CHL1: variants seen among roughly 807,000 people sequenced by gnomAD.
The protein encoded by CHL1 is neural cell adhesion molecule L1-like protein.
In CHL1, 96 loss-of-function variants were observed where a neutral mutation model predicts 141.9. The ratio of observed to expected loss-of-function variants is 0.68; its 90% CI spans 0.57 to 0.80. The LOEUF (loss-of-function observed/expected upper bound fraction) is 0.80. Among genes scored for constraint, CHL1 ranks in the 30% least tolerant of loss-of-function variants. CHL1 has a pLI of 0.00. For missense variants in CHL1, 1,820 were observed against 1,457.2 expected (o/e 1.25, Z -4.05); for synonymous variants, 613 against 502.2 (o/e 1.22, Z -2.95).
chr3:282,676 T>C (rs953645474), intron 2 of CHL1: 4 of 152,246 alleles, frequency 2.6e-5, no homozygotes, highest in African/African-American at 9.6e-5. Flanking sequence ...ACATTGAATA[T>C]GTCATCCCAC....
chr3:358,087 C>T (rs1313171807), intron 11 of CHL1, among the ~76,000 whole-genome samples: 1 of 152,110 alleles, frequency 6.6e-6, no homozygotes, highest in Non-Finnish European at 1.5e-5. Flanking sequence ...ATTAAATTAC[C>T]ATAAACTTAG....
intron 1 of CHL1, among the ~76,000 whole-genome samples, chr3:243,272 A>G (rs915040034): frequency 6.6e-6 from 1 of 152,208 alleles, no homozygotes; most frequent in Non-Finnish European, 1.5e-5. Flanking sequence ...ACACAGCAAC[A>G]TGGGAGCCAG....
chr3:371,626 G>C (rs189086464), intron 15 of CHL1, among the ~76,000 whole-genome samples: 14 of 152,292 alleles, frequency 9.2e-5, no homozygotes, highest in Non-Finnish European at 1.5e-4. Flanking sequence ...GTATTGTTAT[G>C]TGTGAATTTG....
chr3:360,731 CCCG>C (rs1704158778), intron 12 of CHL1, among the ~76,000 whole-genome samples: 9 of 77,558 alleles, frequency 1.2e-4, no homozygotes, highest in Admixed American at 1.6e-4. Context: ...CCGATGCTAT[CCCG>C]CCCCCCCTCC....
chr3:265,643 T>A (rs941315005), intron 2 of CHL1, among the ~76,000 whole-genome samples: 2 of 152,208 alleles, frequency 1.3e-5, no homozygotes, highest in Non-Finnish European at 2.9e-5. Flanking sequence ...TATTCAATGA[T>A]CTGTGATCCT....
intron 2 of CHL1, among the ~76,000 whole-genome samples, chr3:270,164 T>C (rs1695511541): frequency 2.0e-5 from 3 of 152,154 alleles, no homozygotes. Context: ...AACTGAGTTT[T>C]AGTGACAGAA....
intron 3 of CHL1, among the ~76,000 whole-genome samples, chr3:320,918 G>C (rs1484663731): frequency 6.6e-6 from 1 of 151,848 alleles, no homozygotes; most frequent in African/African-American, 2.4e-5. Context: ...TAGAGGTGTT[G>C]GTTGTTTATT....
chr3:294,750 T>C (rs1698028647), intron 2 of CHL1, among the ~76,000 whole-genome samples: 1 of 152,174 alleles, frequency 6.6e-6, no homozygotes, highest in Non-Finnish European at 1.5e-5. Flanking sequence ...ATTCATCACA[T>C]CCCAGGGTAG....
At chr3:237,419 TTC>T (rs1692103627) in intron 1 of CHL1, among the ~76,000 whole-genome samples, 1 of 152,250 alleles carries the variant, frequency 6.6e-6, no homozygotes, top group African/African-American at 2.4e-5. Context: ...TCTCAGGAAG[TTC>T]TTTGTAGCAC....
rs4002871 is a variant in CHL1 at position 253,971 on chromosome 3, T to C, written c.-95+9279T>C. The stretch of plus-strand genomic sequence containing the variant: ...GATATTATATACATTTTGAACTTGA[T>C]GATATTATCTCCATTTTACGAATGC... On this transcript the variant is annotated intron_variant, in intron 2 of 27. Transcript: ENST00000256509. Among the ~76,000 whole-genome samples, 21 of 152,106 alleles carry C rather than the reference T, an allele frequency of 1.4e-4. No individual in the cohort carries two copies. The South Asian group carries it at 3.7e-3, about 27-fold the overall frequency.
intron 11 of CHL1, among the ~76,000 whole-genome samples, chr3:356,940 C>A (rs980530704): frequency 7.2e-5 from 11 of 152,288 alleles, no homozygotes; most frequent in African/African-American, 2.6e-4. Context: ...AGGTATTTTC[C>A]TGGCCTTTGA....
At chr3:386,276 C>T (rs1707705929) in intron 19 of CHL1, among the ~76,000 whole-genome samples, 1 of 149,952 alleles carries the variant, frequency 6.7e-6, no homozygotes, top group Admixed American at 6.7e-5. Context: ...TAGGAACAGA[C>T]TGGACATCCC....
chr3:358,836 T>C (rs1010584928), intron 11 of CHL1, among the ~76,000 whole-genome samples: 4 of 151,830 alleles, frequency 2.6e-5, no homozygotes, highest in African/African-American at 9.7e-5. Context: ...GGAGAGACAA[T>C]CAGAAAAGTA....
In CHL1 at chr3:406,946, T is replaced by C. The variant is rs999904035; in HGVS notation, c.*1235T>C. 3 of 152,184 alleles carry C rather than the reference T, an allele frequency of 2.0e-5. No individual in the cohort carries two copies. Among genetic ancestry groups the C allele is most frequent in the African/African-American group, 7.2e-5 (3 of 41,444 alleles). 9.4% of individuals were successfully genotyped at this position (152,184 alleles called of 1,614,324 possible). ...AAAGAAAAACTGTTTACATAGAAAT[T>C]CCTACACATACGTTTGCGTATATGT... On this transcript the variant is annotated 3_prime_UTR_variant, in exon 28 of 28. Coordinates refer to ENST00000256509, the MANE Select transcript of CHL1 (RefSeq NM_006614.4).
chr3:251,771 C>T (rs919639596), intron 2 of CHL1, among the ~76,000 whole-genome samples: 2 of 152,052 alleles, frequency 1.3e-5, no homozygotes, highest in African/African-American at 2.4e-5. Context: ...ACTTATATTT[C>T]TTTAATCCAC....
Position 382,633 on chromosome 3 carries a change from C to T in CHL1, c.2138C>T (p.Pro713Leu). The T allele has an allele frequency of 6.2e-7, 1 of 1,613,746 alleles. No individual in the cohort carries two copies. The highest frequency in any genetic ancestry group is 8.5e-7 in the Non-Finnish European group (1 of 1,179,822). The change falls in exon 18 of 28, where the codon CCT becomes CTT. Residue 713 changes from proline to leucine, a missense_variant. Coordinates refer to ENST00000256509, the MANE Select transcript of CHL1 (RefSeq NM_006614.4). ...GTGAACGAAGTAGGGAGAAGTCAGC[C>T]TAGCCAGCCGTCAGACCATCATGAA... is the stretch of plus-strand genomic sequence containing the variant. ...IAVNEVGRSQ[P>L]SQPSDHHETP...
At chr3:269,262 C>T (rs1320770402) in intron 2 of CHL1, among the ~76,000 whole-genome samples, 1 of 152,132 alleles carries the variant, frequency 6.6e-6, no homozygotes, top group Non-Finnish European at 1.5e-5. Context: ...CCTTCTATAG[C>T]GCTTTTCTCA....
rs889118201 is a variant in CHL1, at chr3:345,850, G to C, written c.848+1141G>C. Among the ~76,000 whole-genome samples, 4 of 152,180 alleles carry C rather than the reference G, an allele frequency of 2.6e-5. No individual in the cohort carries two copies. In the East Asian group the frequency reaches 5.8e-4, roughly 22 times the overall value. On this transcript the variant is annotated intron_variant, in intron 9 of 27. Transcript: ENST00000256509. ...CCTCACTTGGTCACCTCTTAAAATT[G>C]TTCCATTTATTAACTACTGTTAAGT...
Position 236,742 on chromosome 3 carries a change from T to TCCACA in CHL1, c.-174-7869_-174-7865dup, listed in dbSNP as rs528742602. 3.6e-4 allele frequency among the ~76,000 whole-genome samples: 55 copies of TCCACA among 151,740 alleles called. No homozygotes were observed. The South Asian group carries it at 0.011, about 30-fold the overall frequency. ...TCTATCTATTCTTTGTATTCATCTT[T>TCCACA]CCACACTAAAGATTTCTAATGTTTC... On this transcript the variant is annotated intron_variant, in intron 1 of 27. Coordinates refer to ENST00000256509, the MANE Select transcript of CHL1 (RefSeq NM_006614.4).
Sources: allele counts gnomAD v4.1 joint callset (sites outside exome capture counted in the v4.1 genomes callset), GRCh38; gene constraint gnomAD v4.1.1; transcripts MANE v1.5; gene names NCBI Gene and HGNC (gene_info 2026-07-23, HGNC 2026-07-21).